Variants in ARID4A observed in about 807,000 individuals in gnomAD.
ARID4A encodes the protein AT-rich interactive domain-containing protein 4A.
Under a neutral mutation model 148.6 loss-of-function variants are expected in ARID4A, and 39 were observed. The ratio of observed to expected loss-of-function variants is 0.26; its 90% CI spans 0.20 to 0.34. The LOEUF (loss-of-function observed/expected upper bound fraction) is 0.34, where lower values mean the gene tolerates loss of function less well. Among genes scored for constraint, ARID4A ranks in the 10% least tolerant of loss-of-function variants. The probability of loss-of-function intolerance (pLI) is 1.00; values close to 1 mark genes in which losing one functional copy is unlikely to be tolerated. For synonymous variants in ARID4A, 475 were observed against 481.2 expected, an observed-to-expected ratio of 0.99 and a Z score of 0.17; for missense variants, 1,265 against 1,449.1, an observed-to-expected ratio of 0.87 and a Z score of 2.06.
rs1251025695 is a variant in ARID4A, at chr14:58,371,867, A to T, written c.3671-19A>T. 1 of 1,583,146 alleles carries T rather than the reference A, an allele frequency of 6.3e-7. No individual in the cohort carries two copies. Among genetic ancestry groups the T allele is most frequent in the Non-Finnish European group, 8.7e-7 (1 of 1,152,342 alleles). Reference sequence around the variant, plus strand: ...GTGTAACAGTTTTTGGATCTAACATAGTTGTTTTGATTCCACAGTGTCTCA... The same window carrying T: ...GTGTAACAGTTTTTGGATCTAACATTGTTGTTTTGATTCCACAGTGTCTCA... On this transcript the variant is annotated intron_variant, in intron 23 of 23. Coordinates refer to ENST00000355431, the MANE Select transcript of ARID4A (RefSeq NM_002892.4).
rs184142479 is a variant in ARID4A, at chr14:58,326,220, G to A, written c.583-2017G>A. Among the ~76,000 whole-genome samples the A allele has an allele frequency of 4.4e-4, 67 of 152,224 alleles. 1 individual carries two copies. The highest frequency in any genetic ancestry group is 7.8e-4 in the Non-Finnish European group (53 of 68,006). On this transcript the variant is annotated intron_variant, in intron 8 of 23. Transcript: ENST00000355431. ...TGGGAGGCTGAGGTGGGCAGATCACGAGGTCAGGAGATCGAGACCATCCTG... is the reference window on the plus strand; with the variant it reads ...TGGGAGGCTGAGGTGGGCAGATCACAAGGTCAGGAGATCGAGACCATCCTG...
rs1566682866 is a variant in ARID4A, at chr14:58,323,478, CTT to C, written c.450-4_450-3del. 1.2e-6 allele frequency: 2 copies of C among 1,604,954 alleles called. No individual in the cohort carries two copies. The highest frequency in any genetic ancestry group is 1.7e-6 in the Non-Finnish European group (2 of 1,171,740). ...TAGGATAATGATCAAGTTATTCTAACTTTTAGTACTGAAGATGAAAAGGAAGA... is the reference window on the plus strand; with the variant it reads ...TAGGATAATGATCAAGTTATTCTAACTTAGTACTGAAGATGAAAAGGAAGA... On this transcript the variant is annotated splice_polypyrimidine_tract_variant and splice_region_variant and intron_variant, in intron 7 of 23. Coordinates refer to ENST00000355431, the MANE Select transcript of ARID4A (RefSeq NM_002892.4).
intron 15 of ARID4A, among the ~76,000 whole-genome samples, chr14:58,348,946 C>T (rs940321448): frequency 1.3e-5 from 2 of 152,064 alleles, no homozygotes; most frequent in African/African-American, 2.4e-5. Flanking sequence ...TAAGTGTCAC[C>T]ACCGTCCAGT....
chr14:58,317,624 C>CTTTTTTTTTTTTTTTTTTTT (rs71107933), intron 5 of ARID4A, among the ~76,000 whole-genome samples: 1 of 69,888 alleles, frequency 1.4e-5, no homozygotes, highest in African/African-American at 6.3e-5. Flanking sequence ...TTATATTTGT[C>CTTTTTTTTTTTTTTTTTTTT]TTTTTTTTTT....
chr14:58,350,049 C>T (rs527496721), intron 15 of ARID4A, among the ~76,000 whole-genome samples: 2 of 144,924 alleles, frequency 1.4e-5, no homozygotes, highest in South Asian at 4.4e-4. Context: ...TTGCAGTGAG[C>T]TGAGATCACA....
In ARID4A at chr14:58,364,795, G is replaced by A; in HGVS notation, c.2706G>A (p.Gln902=). 2 of 1,614,076 alleles carry A rather than the reference G, an allele frequency of 1.2e-6. No homozygotes were observed. The highest frequency in any genetic ancestry group is 1.7e-6 in the Non-Finnish European group (2 of 1,180,022). Residue 902 remains glutamine (Q), a synonymous_variant, in exon 20 of 24, where the codon CAG becomes CAA. Coordinates refer to ENST00000355431, the MANE Select transcript of ARID4A (RefSeq NM_002892.4). ...SEGMKNLNFE[Q]HFERENEGMP... ...GAATGAAAAACTTAAATTTTGAACA[G>A]CACTTTGAAAGAGAAAATGAAGGAA...
intron 12 of ARID4A, among the ~76,000 whole-genome samples, chr14:58,345,647 T>A (rs1201836648): frequency 6.6e-6 from 1 of 151,992 alleles, no homozygotes; most frequent in Non-Finnish European, 1.5e-5. Context: ...GTCTTAACAT[T>A]TGTGTCAAAG....
At chr14:58,308,993 A>G (rs187503266) in intron 5 of ARID4A, among the ~76,000 whole-genome samples, 25 of 152,344 alleles carry the variant, frequency 1.6e-4, no homozygotes, top group Admixed American at 1.2e-3. Flanking sequence ...TTCTTGCATA[A>G]TACAGGTATC....
intron 11 of ARID4A, among the ~76,000 whole-genome samples, chr14:58,338,235 G>A (rs1280484778): frequency 1.3e-5 from 2 of 151,950 alleles, no homozygotes; most frequent in Non-Finnish European, 2.9e-5. Flanking sequence ...AATTAAAGTG[G>A]GTGAGTACAG....
chr14:58,347,624 TAAATG>T lies in ARID4A; in HGVS notation c.1173-18_1173-14del, dbSNP rs760977236. On this transcript the variant is annotated intron_variant, in intron 14 of 23. Coordinates refer to ENST00000355431, the MANE Select transcript of ARID4A (RefSeq NM_002892.4). ...TAGATGCAAAGACTGTAAGATTTCT[TAAATG>T]AAATATTGTTTGTTTAGGTATCTCT... is the stretch of plus-strand genomic sequence containing the variant. The T allele has an allele frequency of 2.0e-6, 3 of 1,491,832 alleles. No individual in the cohort carries two copies. In the Admixed American group the frequency reaches 6.4e-5, roughly 32 times the overall value. 92.4% of individuals were successfully genotyped at this position (1,491,832 alleles called of 1,614,324 possible).
chr14:58,324,028 C>T (rs989120960), intron 8 of ARID4A, among the ~76,000 whole-genome samples: 5 of 151,350 alleles, frequency 3.3e-5, no homozygotes, highest in African/African-American at 4.9e-5. Context: ...CCTCAGCCTC[C>T]GGAGTAGCTG....
chr14:58,305,751 G>T (rs1044882480), intron 4 of ARID4A, among the ~76,000 whole-genome samples: 10 of 152,136 alleles, frequency 6.6e-5, no homozygotes, highest in African/African-American at 2.4e-4. Context: ...CTGTCATGCT[G>T]GACTCTGCAT....
intron 5 of ARID4A, among the ~76,000 whole-genome samples, chr14:58,310,200 C>A (rs1024669402): frequency 2.6e-5 from 4 of 151,982 alleles, no homozygotes; most frequent in Admixed American, 2.0e-4. Context: ...CTTAAATTTT[C>A]AGATTCCTGG....
rs371165100 is a variant in ARID4A at position 58,365,337 on chromosome 14, A to C, written c.3211+37A>C. On this transcript the variant is annotated intron_variant, in intron 20 of 23. Coordinates refer to ENST00000355431, the MANE Select transcript of ARID4A (RefSeq NM_002892.4). ...CTAGGGAAAAGTAAGTGTTTATATG[A>C]AACCAAAAATCAAAACTGTTGAGTT... The C allele has an allele frequency of 3.9e-6, 6 of 1,556,922 alleles. No individual in the cohort carries two copies. In the African/African-American group the frequency reaches 8.3e-5, roughly 21 times the overall value.
intron 5 of ARID4A, among the ~76,000 whole-genome samples, chr14:58,307,113 A>T (rs1414263531): frequency 6.6e-6 from 1 of 152,232 alleles, no homozygotes; most frequent in Non-Finnish European, 1.5e-5. Flanking sequence ...ATCTCCTCTC[A>T]GTACTTTCAA....
At chr14:58,317,768 G>A (rs1308625670) in intron 5 of ARID4A, among the ~76,000 whole-genome samples, 1 of 151,190 alleles carries the variant, frequency 6.6e-6, no homozygotes, top group Non-Finnish European at 1.5e-5. Context: ...CAGTAGCTGG[G>A]ACCACAGGCA....
chr14:58,306,013 A>G lies in ARID4A; in HGVS notation c.184-9A>G. 3.1e-6 allele frequency: 5 copies of G among 1,610,558 alleles called. No homozygotes were observed. The highest frequency in any genetic ancestry group is 4.2e-6 in the Non-Finnish European group (5 of 1,177,118). ...AATTTGGTAAGGAAATTGGGATTTC[A>G]CATTTTAGGTTGGAGCTATTGTTGA... is the stretch of plus-strand genomic sequence containing the variant. On this transcript the variant is annotated splice_polypyrimidine_tract_variant and intron_variant, in intron 4 of 23. Transcript: ENST00000355431.
chr14:58,364,091 A>AT, intron 19 of ARID4A, 79 bp from the exon 20 acceptor site: 2 of 769,670 alleles, frequency 2.6e-6, no homozygotes, highest in Non-Finnish European at 3.6e-6. Context: ...TTTTATTGTT[A>AT]TTTTTGGTAA....
chr14:58,370,724 C>G (rs374979674), intron 23 of ARID4A, among the ~76,000 whole-genome samples: 1 of 152,100 alleles, frequency 6.6e-6, no homozygotes, highest in African/African-American at 2.4e-5. Context: ...CGACTCCCAC[C>G]TCAGCCTCCC....
Sources: allele counts gnomAD v4.1 joint callset (sites outside exome capture counted in the v4.1 genomes callset), GRCh38; gene constraint gnomAD v4.1.1; transcripts MANE v1.5; gene names NCBI Gene and HGNC (gene_info 2026-07-23, HGNC 2026-07-21).